GDPD1: variants seen among roughly 807,000 people sequenced by gnomAD.
GDPD1 encodes lysophospholipase D GDPD1.
In GDPD1, 28 loss-of-function variants were observed where a neutral mutation model predicts 45.1. The ratio of observed to expected loss-of-function variants is 0.62; its 90% CI spans 0.46 to 0.85. The LOEUF (loss-of-function observed/expected upper bound fraction) is 0.85, where lower values mean the gene tolerates loss of function less well. Among genes scored for constraint, GDPD1 ranks in the 40% least tolerant of loss-of-function variants. The pLI is 0.00. For missense variants in GDPD1, 256 were observed against 364.8 expected (o/e 0.70, Z 2.43); for synonymous variants, 139 against 131.4 (o/e 1.06, Z -0.40).
rs1401049405 is a variant in GDPD1, at chr17:59,234,487, C to T, written c.143-5C>T. The T allele has an allele frequency of 1.3e-6, 2 of 1,575,984 alleles. No individual in the cohort carries two copies. Among genetic ancestry groups the T allele is most frequent in the East Asian group, 2.3e-5 (1 of 44,384 alleles). On this transcript the variant is annotated splice_region_variant and splice_polypyrimidine_tract_variant and intron_variant, in intron 1 of 9. Transcript: ENST00000284116. ...AATAAGTAAATATAGTTTAAATTTTCACAGGTGCTGGAGAAAATTTGGAGA... is the reference window on the plus strand; with the variant it reads ...AATAAGTAAATATAGTTTAAATTTTTACAGGTGCTGGAGAAAATTTGGAGA...
chr17:59,235,891 TATTTA>T (rs1416935728), intron 2 of GDPD1, among the ~76,000 whole-genome samples: 2 of 152,148 alleles, frequency 1.3e-5, no homozygotes, highest in Non-Finnish European at 2.9e-5. Context: ...TTAAATACTT[TATTTA>T]TTTTCTCTAC....
rs1458817677 is a variant in GDPD1 at position 59,247,043 on chromosome 17, C to T, written c.321+1494C>T. On this transcript the variant is annotated intron_variant, in intron 3 of 9. Transcript: ENST00000284116. Reference sequence around the variant, plus strand: ...TTGGCCTCCCAAAGTGCTGGGATTACAGGTGTGAGCCACCACGCCCAGCCT... The same window carrying T: ...TTGGCCTCCCAAAGTGCTGGGATTATAGGTGTGAGCCACCACGCCCAGCCT... Among the ~76,000 whole-genome samples, 4 of 152,084 alleles carry T rather than the reference C, an allele frequency of 2.6e-5. No individual in the cohort carries two copies. In the East Asian group the frequency reaches 7.8e-4, roughly 30 times the overall value.
chr17:59,265,056 G>A (rs1055397171), intron 6 of GDPD1, among the ~76,000 whole-genome samples: 1 of 151,924 alleles, frequency 6.6e-6, no homozygotes, highest in Non-Finnish European at 1.5e-5. Flanking sequence ...GGCCAGGCTG[G>A]TCTCGAAGTC....
intron 1 of GDPD1, among the ~76,000 whole-genome samples, chr17:59,222,499 C>G (rs1006610078): frequency 1.1e-5 from 1 of 93,450 alleles, no homozygotes; most frequent in East Asian, 2.4e-4. Context: ...AGCCACAGTG[C>G]CCAGCCTTTT....
chr17:59,233,511 CAAAAAA>C (rs35485066), intron 1 of GDPD1, among the ~76,000 whole-genome samples: 58 of 91,046 alleles, frequency 6.4e-4, no homozygotes, highest in African/African-American at 1.8e-3. Flanking sequence ...GACTCCGTCT[CAAAAAA>C]AAAAAAAAAA....
Position 59,257,162 on chromosome 17 carries a change from G to T in GDPD1, c.408G>T (p.Leu136=), listed in dbSNP as rs2047315621. ...CEGKDNRIPL[L]KEVFEAFPNT... ...GAAAAGATAACCGAATTCCATTACTGAAGGAAGTTTTTGAGGCCTTTCCTA... is the reference window on the plus strand; with the variant it reads ...GAAAAGATAACCGAATTCCATTACTTAAGGAAGTTTTTGAGGCCTTTCCTA... The change falls in exon 5 of 10, where the codon CTG becomes CTT. Residue 136 remains leucine, a synonymous_variant. Transcript: ENST00000284116. 1.9e-6 allele frequency: 3 copies of T among 1,606,314 alleles called. No individual in the cohort carries two copies. The highest frequency in any genetic ancestry group is 3.4e-5 in the Admixed American group (2 of 59,062).
rs200523270 is a variant in GDPD1, at chr17:59,257,856, G to A, written c.576+16G>A. 1.5e-5 allele frequency: 22 copies of A among 1,437,354 alleles called. No homozygotes were observed. The African/African-American group carries it at 2.8e-4, about 18-fold the overall frequency. The allele number at this position is 1,437,354 out of a possible 1,614,324, so 89.0% of individuals were successfully genotyped here. ...CTACAAAGAGGTAAGCTTCAAAAATGATACAGAATTATCTATCTTTGTTGT... is the reference window on the plus strand; with the variant it reads ...CTACAAAGAGGTAAGCTTCAAAAATAATACAGAATTATCTATCTTTGTTGT... On this transcript the variant is annotated intron_variant, in intron 6 of 9. Coordinates refer to ENST00000284116, the MANE Select transcript of GDPD1 (RefSeq NM_182569.4).
At position 59,245,416 on chromosome 17, in the gene GDPD1, C is replaced by T. The variant is rs1270324069; in HGVS notation, c.188C>T (p.Ala63Val). 3.1e-6 allele frequency: 5 copies of T among 1,606,992 alleles called. No individual in the cohort carries two copies. The highest frequency in any genetic ancestry group is 2.2e-5 in the East Asian group (1 of 44,740). The change falls in exon 3 of 10, where the codon GCG becomes GTG. Residue 63 changes from alanine (A) to valine (V), a missense_variant and splice_region_variant. Ala to Val is a moderately conservative substitution (Grantham distance 64). Transcript: ENST00000284116. Reference sequence around the variant, plus strand: ...TCATTCTTCTTTTATTTCTTCAGTGCGGTTAAAATCGGAACTGATATGCTA... The same window carrying T: ...TCATTCTTCTTTTATTTCTTCAGTGTGGTTAAAATCGGAACTGATATGCTA... ...LENTMAAFQH[A>V]VKIGTDMLEL... is the part of the protein sequence containing the mutation.
chr17:59,262,348 C>T (rs2047363233), intron 6 of GDPD1, among the ~76,000 whole-genome samples: 1 of 152,076 alleles, frequency 6.6e-6, no homozygotes, highest in South Asian at 2.1e-4. Context: ...CCTAAATGTC[C>T]TTCAGTGGGT....
intron 6 of GDPD1, among the ~76,000 whole-genome samples, chr17:59,265,028 G>A (rs990803796): frequency 6.6e-6 from 1 of 150,806 alleles, no homozygotes; most frequent in Non-Finnish European, 1.5e-5. Context: ...TTTAGTAGAG[G>A]CAGGATTTCA....
chr17:59,250,954 C>A (rs117764297), intron 4 of GDPD1, among the ~76,000 whole-genome samples: 21 of 152,100 alleles, frequency 1.4e-4, no homozygotes, highest in Non-Finnish European at 2.6e-4. Flanking sequence ...CCTGACCCCC[C>A]CTTGCCCTCC....
intron 1 of GDPD1, among the ~76,000 whole-genome samples, chr17:59,231,275 G>A (rs935873675): frequency 6.6e-6 from 1 of 151,736 alleles, no homozygotes; most frequent in Non-Finnish European, 1.5e-5. Context: ...CATGTGACCA[G>A]GCTATGCTTG....
chr17:59,248,917 G>C, intron 4 of GDPD1, 132 bp downstream of exon 4: 1 of 604,382 alleles, frequency 1.7e-6, no homozygotes, highest in Non-Finnish European at 2.9e-6. Context: ...CTGAATACTT[G>C]AAAATTATCT....
chr17:59,248,893 T>G, intron 4 of GDPD1, 108 bp downstream of exon 4: 1 of 735,770 alleles, frequency 1.4e-6, no homozygotes, highest in South Asian at 1.9e-5. Context: ...GTTTGTTCCC[T>G]CAGGCCTACA....
chr17:59,255,892 C>T (rs112269841), intron 4 of GDPD1, among the ~76,000 whole-genome samples: 26 of 130,762 alleles, frequency 2.0e-4, no homozygotes, highest in African/African-American at 6.3e-4. Flanking sequence ...CACACACACA[C>T]ATATATATAT....
intron 1 of GDPD1, among the ~76,000 whole-genome samples, chr17:59,226,771 G>A (rs959369390): frequency 1.3e-5 from 2 of 151,936 alleles, no homozygotes; most frequent in African/African-American, 4.8e-5. Flanking sequence ...CGCCCCCTGG[G>A]TTCAATCAAT....
At chr17:59,265,377 A>AT (rs999971040) in intron 6 of GDPD1, among the ~76,000 whole-genome samples, 1 of 151,224 alleles carries the variant, frequency 6.6e-6, no homozygotes, top group Non-Finnish European at 1.5e-5. Flanking sequence ...TCTACAAAAA[A>AT]TTTTTAAAAA....
intron 4 of GDPD1, among the ~76,000 whole-genome samples, chr17:59,252,695 C>CAA (rs55764801): frequency 6.9e-6 from 1 of 145,382 alleles, no homozygotes; most frequent in Non-Finnish European, 1.5e-5. Context: ...GAGACTGTCT[C>CAA]AAAAAAAAAA....
At chr17:59,222,861 A>G (rs1165767488) in intron 1 of GDPD1, among the ~76,000 whole-genome samples, 2 of 152,188 alleles carry the variant, frequency 1.3e-5, no homozygotes, top group Non-Finnish European at 2.9e-5. Context: ...GATAGGCAGT[A>G]CACATTACTT....
Sources: allele counts gnomAD v4.1 joint callset (sites outside exome capture counted in the v4.1 genomes callset), GRCh38; gene constraint gnomAD v4.1.1; transcripts MANE v1.5; gene names NCBI Gene and HGNC (gene_info 2026-07-23, HGNC 2026-07-21).